Variants in LARS1 observed in about 807,000 individuals in gnomAD.
LARS1 encodes the protein leucyl-tRNA synthetase 1, also known as leucine--tRNA ligase, cytoplasmic.
Under a neutral mutation model 162.8 loss-of-function variants are expected in LARS1, and 100 were observed. The ratio of observed to expected loss-of-function variants is 0.61; its 90% CI spans 0.52 to 0.73. The LOEUF (loss-of-function observed/expected upper bound fraction) is 0.73. Among genes scored for constraint, LARS1 ranks in the 30% least tolerant of loss-of-function variants. The pLI is 0.00. For missense variants in LARS1, 1,258 were observed against 1,408.9 expected, an observed-to-expected ratio of 0.89 and a Z score of 1.71; for synonymous variants, 457 against 462.8, an observed-to-expected ratio of 0.99 and a Z score of 0.16.
intron 27 of LARS1, 107 bp from the exon 28 acceptor site, chr5:146,126,652 A>G (rs1752062542): frequency 1.5e-6 from 1 of 687,874 alleles, no homozygotes; most frequent in South Asian, 1.8e-5. Flanking sequence ...CAATCCTTAG[A>G]GAACAGCAGA....
chr5:146,171,984 CA>C lies in LARS1; in HGVS notation c.219del (p.Val74Ter). 2 of 1,611,828 alleles carry C rather than the reference CA, an allele frequency of 1.2e-6. No homozygotes were observed. The highest frequency in any genetic ancestry group is 1.7e-6 in the Non-Finnish European group (2 of 1,178,138). On this transcript the variant is annotated frameshift_variant, in exon 4 of 32. Coordinates refer to ENST00000394434, the MANE Select transcript of LARS1 (RefSeq NM_020117.11). LOFTEE classifies it high-confidence loss of function. ...HTFSLSKCEF[A>X]VGYQRLKGKC... ...TTTCCTTTCAATCGCTGGTACCCTA[CA>C]GCAAACTACAGAAATAAAATTAAAT...
intron 20 of LARS1, among the ~76,000 whole-genome samples, chr5:146,141,191 C>T (rs183935224): frequency 6.6e-6 from 1 of 152,284 alleles, no homozygotes; most frequent in East Asian, 1.9e-4. Context: ...GAGCCAATCT[C>T]TCTGGGTTTG....
intron 1 of LARS1, 25 bp from the exon 2 acceptor site, chr5:146,177,690 C>G (rs758149847): frequency 8.0e-7 from 1 of 1,253,980 alleles, no homozygotes; most frequent in East Asian, 2.5e-5. Context: ...GAGAATAATC[C>G]ACTCTGTATT....
At chr5:146,132,759 A>G in intron 23 of LARS1, 139 bp downstream of exon 23, 1 of 637,942 alleles carries the variant, frequency 1.6e-6, no homozygotes, top group Non-Finnish European at 2.6e-6. Context: ...GGCACAAGTA[A>G]GCCTTCAATG....
rs778260624 is a variant in LARS1 at position 146,153,825 on chromosome 5, T to A, written c.1154-15A>T. 2 of 1,613,288 alleles carry A rather than the reference T, an allele frequency of 1.2e-6. No homozygotes were observed. Among genetic ancestry groups the A allele is most frequent in the East Asian group, 4.5e-5 (2 of 44,850 alleles). On this transcript the variant is annotated splice_polypyrimidine_tract_variant and intron_variant, in intron 11 of 31. Transcript: ENST00000394434. ...CACACCAGTGCCTTAGAAAACAAAGTGTGGAATTAATAACTAGAACCAAAA... is the reference window on the plus strand; with the variant it reads ...CACACCAGTGCCTTAGAAAACAAAGAGTGGAATTAATAACTAGAACCAAAA...
At chr5:146,123,651 T>A (rs1751923080) in intron 29 of LARS1, among the ~76,000 whole-genome samples, 1 of 151,700 alleles carries the variant, frequency 6.6e-6, no homozygotes, top group South Asian at 2.1e-4. Context: ...CAATTCAGAG[T>A]ACTCCATAAC....
At chr5:146,134,941 T>TGGAATA (rs1752442790) in intron 22 of LARS1, among the ~76,000 whole-genome samples, 1 of 152,202 alleles carries the variant, frequency 6.6e-6, no homozygotes, top group Non-Finnish European at 1.5e-5. Context: ...AGAGCAAGAC[T>TGGAATA]CTGTCTCAGT....
chr5:146,126,713 C>T (rs1243043734), intron 27 of LARS1, among the ~76,000 whole-genome samples, 168 bp from the exon 28 acceptor site: 7 of 152,084 alleles, frequency 4.6e-5, no homozygotes, highest in African/African-American at 7.2e-5. Context: ...ATGAACAATG[C>T]AGAAGGAACT....
chr5:146,121,418 T>C (rs1333871785), intron 30 of LARS1, among the ~76,000 whole-genome samples: 1 of 152,036 alleles, frequency 6.6e-6, no homozygotes, highest in Non-Finnish European at 1.5e-5. Flanking sequence ...AAACAGAATG[T>C]CCTTCCTCAA....
intron 19 of LARS1, 102 bp downstream of exon 19, chr5:146,143,310 A>G (rs1752874487): frequency 1.4e-6 from 2 of 1,448,200 alleles, no homozygotes; most frequent in African/African-American, 2.8e-5. Flanking sequence ...TATCATGACA[A>G]AATTCTGTGA....
chr5:146,141,796 AAAAT>A (rs1304913314), intron 20 of LARS1, among the ~76,000 whole-genome samples: 3 of 152,054 alleles, frequency 2.0e-5, no homozygotes, highest in African/African-American at 2.4e-5. Context: ...ACTCTGTAGA[AAAAT>A]AAATAAATAA....
rs71581862 is a variant in LARS1 at position 146,150,626 on chromosome 5, C to CAAAAAA, written c.1426-933_1426-928dup. On this transcript the variant is annotated intron_variant, in intron 14 of 31. Transcript: ENST00000394434. ...TGGGCGACACAGCAAGACTCCGTCT[C>CAAAAAA]AAAAAAAAAAAAAAAAAGAACACAA... 7.7e-4 allele frequency among the ~76,000 whole-genome samples: 53 copies of CAAAAAA among 68,812 alleles called. 3 individuals carry two copies. Among genetic ancestry groups the CAAAAAA allele is most frequent in the Admixed American group, 1.6e-3 (9 of 5,582 alleles). 45.1% of individuals were successfully genotyped at this position (68,812 alleles called of 152,430 possible).
intron 27 of LARS1, among the ~76,000 whole-genome samples, chr5:146,128,258 A>T (rs1245179777): frequency 6.6e-6 from 1 of 152,142 alleles, no homozygotes; most frequent in Non-Finnish European, 1.5e-5. Flanking sequence ...ACTTTTTTCC[A>T]AACAATAAAC....
At chr5:146,144,577 A>C in intron 16 of LARS1, 40 bp from the exon 17 acceptor site, 1 of 1,612,286 alleles carries the variant, frequency 6.2e-7, no homozygotes, top group South Asian at 1.1e-5. Flanking sequence ...TTTAAGTCAA[A>C]GGTGAGCAAA....
Position 146,142,967 on chromosome 5 carries a change from C to A in LARS1, c.1995G>T (p.Trp665Cys). Residue 665 changes from tryptophan to cysteine, a missense_variant, in exon 20 of 32, where the codon TGG (tryptophan) becomes TGT (cysteine). Transcript: ENST00000394434. ...LDQLKQEFEF[W>C]YPVDLRVSGK... Reference sequence around the variant, plus strand: ...CAGAGACGCGAAGATCAACAGGATACCAGAATTCAAACTCCTGCTTTAACT... The same window carrying A: ...CAGAGACGCGAAGATCAACAGGATAACAGAATTCAAACTCCTGCTTTAACT... 1.2e-6 allele frequency: 2 copies of A among 1,613,928 alleles called. No individual in the cohort carries two copies. The highest frequency in any genetic ancestry group is 1.7e-6 in the Non-Finnish European group (2 of 1,179,860).
rs368057623 is a variant in LARS1, at chr5:146,130,113, T to C, written c.2533A>G (p.Arg845Gly). Reference sequence around the variant, plus strand: ...TCAATAAACCGGAACACAAGTTCTCTGTGCATCCCTTCCACAGCCAATTCA... The same window carrying C: ...TCAATAAACCGGAACACAAGTTCTCCGTGCATCCCTTCCACAGCCAATTCA... Reference protein sequence around the residue: ...YRELAVEGMHRELVFRFIEVQ... With the variant: ...YRELAVEGMHGELVFRFIEVQ... Residue 845 changes from arginine to glycine, a missense_variant, in exon 25 of 32, where the codon AGA (arginine) becomes GGA (glycine). Coordinates refer to ENST00000394434, the MANE Select transcript of LARS1 (RefSeq NM_020117.11). The C allele has an allele frequency of 2.8e-5, 45 of 1,613,730 alleles. No homozygotes were observed. The highest frequency in any genetic ancestry group is 3.3e-4 in the Middle Eastern group (2 of 6,084).
intron 24 of LARS1, 144 bp from the exon 25 acceptor site, chr5:146,130,302 T>G: frequency 5.2e-6 from 4 of 767,262 alleles, no homozygotes; most frequent in Non-Finnish European, 8.3e-6. Flanking sequence ...AAGGTTTTAC[T>G]TTAAGAATCT....
At chr5:146,126,252 A>G (rs1375486554) in intron 28 of LARS1, among the ~76,000 whole-genome samples, 183 bp downstream of exon 28, 1 of 152,006 alleles carries the variant, frequency 6.6e-6, no homozygotes. Flanking sequence ...TATTTTTCAC[A>G]TACTCAGCAA....
chr5:146,116,293 C>A (rs1764205516), intron 31 of LARS1, among the ~76,000 whole-genome samples: 1 of 152,200 alleles, frequency 6.6e-6, no homozygotes, highest in East Asian at 1.9e-4. Context: ...GATGCAGTGA[C>A]AAGTTCTGCC....
Sources: allele counts gnomAD v4.1 joint callset (sites outside exome capture counted in the v4.1 genomes callset), GRCh38; gene constraint gnomAD v4.1.1; transcripts MANE v1.5; gene names NCBI Gene and HGNC (gene_info 2026-07-23, HGNC 2026-07-21).